The following CSMD1 variants were observed in gnomAD, a reference collection of about 807,000 sequenced individuals.
CSMD1 encodes the protein CUB and Sushi multiple domains 1, also known as CUB and sushi domain-containing protein 1.
CSMD1 carries 213 observed loss-of-function variants against 417.5 expected under a neutral mutation model. The observed-to-expected ratio is 0.51, with a 90% CI of 0.46 to 0.57. CSMD1 has a LOEUF of 0.57. Among genes scored for constraint, CSMD1 ranks in the 20% least tolerant of loss-of-function variants. The probability of loss-of-function intolerance (pLI) is 0.00; values close to 1 mark genes in which losing one functional copy is unlikely to be tolerated. For missense variants in CSMD1, 6,923 were observed against 4,529.7 expected (o/e 1.53, Z -15.17); for synonymous variants, 2,862 against 1,736.8 (o/e 1.65, Z -16.11).
chr8:3,481,350 TCTTA>T (rs1817740506), intron 11 of CSMD1, among the ~76,000 whole-genome samples: 1 of 152,102 alleles, frequency 6.6e-6, no homozygotes, highest in African/African-American at 2.4e-5. Context: ...GTTCCATAAA[TCTTA>T]CTTAATGATT....
intron 2 of CSMD1, among the ~76,000 whole-genome samples, chr8:4,466,307 A>G (rs1800165284): frequency 6.6e-6 from 1 of 152,072 alleles, no homozygotes; most frequent in Non-Finnish European, 1.5e-5. Context: ...GGAGGAGGAG[A>G]AACAGAAGAG....
chr8:3,296,313 T>C (rs1348847737), intron 25 of CSMD1, among the ~76,000 whole-genome samples: 1 of 151,524 alleles, frequency 6.6e-6, no homozygotes, highest in Non-Finnish European at 1.5e-5. Flanking sequence ...GGGCATACCG[T>C]CCGCATTTGA....
chr8:4,216,168 C>A (rs145343101), intron 3 of CSMD1, among the ~76,000 whole-genome samples: 1 of 152,188 alleles, frequency 6.6e-6, no homozygotes, highest in Non-Finnish European at 1.5e-5. Context: ...ACAGGACCAG[C>A]CTATGACACT....
intron 4 of CSMD1, among the ~76,000 whole-genome samples, chr8:4,014,448 G>A (rs1393091197): frequency 3.3e-5 from 5 of 152,148 alleles, no homozygotes; most frequent in African/African-American, 4.8e-5. Flanking sequence ...TCTGTTCTGT[G>A]ACTTCAGCCT....
intron 5 of CSMD1, among the ~76,000 whole-genome samples, chr8:3,833,938 G>A (rs929086189): frequency 6.6e-6 from 1 of 152,076 alleles, no homozygotes; most frequent in East Asian, 1.9e-4. Flanking sequence ...TTATTGGTTG[G>A]TTGTTGCTGT....
At chr8:4,511,902 G>A (rs963100440) in intron 2 of CSMD1, among the ~76,000 whole-genome samples, 3 of 152,074 alleles carry the variant, frequency 2.0e-5, no homozygotes, top group African/African-American at 7.2e-5. Flanking sequence ...AGGGGAAAAG[G>A]AACCATTTTT....
At chr8:4,621,511 G>C (rs1309662404) in intron 2 of CSMD1, among the ~76,000 whole-genome samples, 1 of 152,046 alleles carries the variant, frequency 6.6e-6, no homozygotes, top group Admixed American at 6.6e-5. Flanking sequence ...AGAAGAAAGA[G>C]ACAATCTATA....
intron 21 of CSMD1, among the ~76,000 whole-genome samples, chr8:3,348,894 CA>C (rs1426648129): frequency 1.3e-5 from 2 of 152,200 alleles, no homozygotes; most frequent in African/African-American, 2.4e-5. Context: ...ACCTGTCTCA[CA>C]GTGAAAGTGA....
intron 3 of CSMD1, among the ~76,000 whole-genome samples, chr8:4,338,749 A>G (rs1019182965): frequency 6.6e-6 from 1 of 152,092 alleles, no homozygotes; most frequent in South Asian, 2.1e-4. Flanking sequence ...TTCATAAGCG[A>G]ATATTAAATT....
At position 4,017,513 on chromosome 8, in the gene CSMD1, T is replaced by G. The variant is rs187550593; in HGVS notation, c.610+14392A>C. 2.7e-3 allele frequency among the ~76,000 whole-genome samples: 415 copies of G among 152,182 alleles called. 1 individual carries two copies. Among genetic ancestry groups the G allele is most frequent in the African/African-American group, 9.7e-3 (403 of 41,510 alleles). ...TAGAGACGGGGTTTCTCCATGTTGG[T>G]CAGGCTGGTCTCGAACTCCCGATCT... On this transcript the variant is annotated intron_variant, in intron 4 of 69. Coordinates refer to ENST00000635120, the MANE Select transcript of CSMD1 (RefSeq NM_033225.6).
rs184191589 is a variant in CSMD1, at chr8:4,268,730, C to T, written c.415+151223G>A. On this transcript the variant is annotated intron_variant, in intron 3 of 69. Coordinates refer to ENST00000635120, the MANE Select transcript of CSMD1 (RefSeq NM_033225.6). ...TTGAAGTAACATAACCAAATACCCCCACTTAATTCTATTAAATTGCTAAAA... is the reference window on the plus strand; with the variant it reads ...TTGAAGTAACATAACCAAATACCCCTACTTAATTCTATTAAATTGCTAAAA... Among the ~76,000 whole-genome samples the T allele has an allele frequency of 2.0e-5, 3 of 151,654 alleles. No homozygotes were observed. The East Asian group carries it at 5.8e-4, about 29-fold the overall frequency.
At chr8:4,073,362 C>T (rs1198009860) in intron 3 of CSMD1, among the ~76,000 whole-genome samples, 1 of 152,048 alleles carries the variant, frequency 6.6e-6, no homozygotes, top group African/African-American at 2.4e-5. Context: ...CACATAAGAG[C>T]AAGGTCGTAC....
intron 46 of CSMD1, among the ~76,000 whole-genome samples, chr8:3,102,941 C>T (rs1585354818): frequency 6.6e-6 from 1 of 152,186 alleles, no homozygotes; most frequent in East Asian, 1.9e-4. Context: ...AAGAAACTCC[C>T]CAGGCCTCCA....
At chr8:3,769,928 C>T (rs924657003) in intron 5 of CSMD1, among the ~76,000 whole-genome samples, 2 of 152,192 alleles carry the variant, frequency 1.3e-5, no homozygotes, top group Non-Finnish European at 1.5e-5. Context: ...CAATATTGCT[C>T]TTTACAAAAA....
intron 7 of CSMD1, among the ~76,000 whole-genome samples, chr8:3,682,430 C>G (rs1482169755): frequency 6.6e-6 from 1 of 152,130 alleles, no homozygotes; most frequent in African/African-American, 2.4e-5. Flanking sequence ...AGCCAACAGA[C>G]ACATGAAAAA....
chr8:4,303,562 TCTC>T (rs1401970010), intron 3 of CSMD1, among the ~76,000 whole-genome samples: 1 of 152,048 alleles, frequency 6.6e-6, no homozygotes, highest in African/African-American at 2.4e-5. Context: ...AAAAATTTCT[TCTC>T]AGCAGCGTTG....
chr8:4,464,374 A>G (rs1345959524), intron 2 of CSMD1, among the ~76,000 whole-genome samples: 1 of 152,202 alleles, frequency 6.6e-6, no homozygotes, highest in African/African-American at 2.4e-5. Flanking sequence ...AGTGATGAAA[A>G]TGCATTTAAT....
intron 5 of CSMD1, among the ~76,000 whole-genome samples, chr8:3,890,243 G>T (rs550082690): frequency 1.4e-4 from 22 of 152,068 alleles, no homozygotes; most frequent in Admixed American, 1.4e-3. Flanking sequence ...TATTCTTGTT[G>T]TTCAAACTTG....
At chr8:4,401,501 A>G (rs1804640477) in intron 3 of CSMD1, among the ~76,000 whole-genome samples, 1 of 152,120 alleles carries the variant, frequency 6.6e-6, no homozygotes, top group South Asian at 2.1e-4. Context: ...CCCAGAGAGG[A>G]GAACCTCCCA....
Sources: allele counts gnomAD v4.1 joint callset (sites outside exome capture counted in the v4.1 genomes callset), GRCh38; gene constraint gnomAD v4.1.1; transcripts MANE v1.5; gene names NCBI Gene and HGNC (gene_info 2026-07-23, HGNC 2026-07-21).